Variants in SLC22A4 observed in about 807,000 individuals in gnomAD.
The protein encoded by SLC22A4 is solute carrier family 22 member 4.
SLC22A4 carries 39 observed loss-of-function variants against 56.6 expected under a neutral mutation model. The ratio of observed to expected loss-of-function variants is 0.69; its 90% CI spans 0.53 to 0.90. The LOEUF is 0.90. Ranked by LOEUF, SLC22A4 falls within the 40% of genes least tolerant of loss-of-function variation. The probability of loss-of-function intolerance (pLI) is 0.00; values close to 1 mark genes in which losing one functional copy is unlikely to be tolerated. For missense variants in SLC22A4, 594 were observed against 696.5 expected, an observed-to-expected ratio of 0.85 and a Z score of 1.66; for synonymous variants, 241 against 281.4, an observed-to-expected ratio of 0.86 and a Z score of 1.44.
intron 4 of SLC22A4, among the ~76,000 whole-genome samples, chr5:132,326,808 C>T (rs1378470371): frequency 2.6e-5 from 4 of 152,220 alleles, no homozygotes; most frequent in African/African-American, 4.8e-5. Context: ...CTAAAGGAAA[C>T]GATCAAGAAC....
At chr5:132,295,503 G>C in intron 1 of SLC22A4, 1 of 350,028 alleles carries the variant, frequency 2.9e-6, no homozygotes, top group South Asian at 2.2e-5. Context: ...GTCCTTTCCT[G>C]AGGCCCCAGT....
In SLC22A4 at chr5:132,336,109, A is replaced by G; in HGVS notation, c.1444+109A>G. 4 of 1,154,150 alleles carry G rather than the reference A, an allele frequency of 3.5e-6. No homozygotes were observed. The South Asian group carries it at 5.1e-5, about 15-fold the overall frequency. 71.5% of individuals were successfully genotyped at this position (1,154,150 alleles called of 1,614,324 possible). On this transcript the variant is annotated intron_variant, in intron 8 of 9. Coordinates refer to ENST00000200652, the MANE Select transcript of SLC22A4 (RefSeq NM_003059.3). ...AGCATAGAATGTACTGGAAAAAAGTACAAGTTCACCTCTCCTCTCCCAGGA... is the reference window on the plus strand; with the variant it reads ...AGCATAGAATGTACTGGAAAAAAGTGCAAGTTCACCTCTCCTCTCCCAGGA...
At chr5:132,312,314 C>T in intron 2 of SLC22A4, 50 bp downstream of exon 2, 1 of 1,116,912 alleles carries the variant, frequency 9.0e-7, no homozygotes, top group Non-Finnish European at 1.4e-6. Flanking sequence ...TTGTCAATCA[C>T]TGCCTATCTT....
chr5:132,294,659 G>A lies in SLC22A4; in HGVS notation c.43G>A (p.Gly15Arg), dbSNP rs1325651731. The change falls in exon 1 of 10, where the codon GGG becomes AGG. Residue 15 changes from glycine to arginine, a missense_variant. By Grantham distance (125) the Gly-to-Arg change is moderately radical (BLOSUM62 -2). Coordinates refer to ENST00000200652, the MANE Select transcript of SLC22A4 (RefSeq NM_003059.3). This position sits in a 1 kb window ranked among gnomAD's most constrained non-coding sequence, Gnocchi z 5.6. ...GGTGATCGCCTTCCTGGGCGAGTGG[G>A]GGCCCTTCCAGCGCCTCATCTTCTT... Reference protein sequence around the residue: ...DEVIAFLGEWGPFQRLIFFLL... With the variant: ...DEVIAFLGEWRPFQRLIFFLL... 10 of 1,614,040 alleles carry A rather than the reference G, an allele frequency of 6.2e-6. No individual in the cohort carries two copies. Among genetic ancestry groups the A allele is most frequent in the African/African-American group, 2.7e-5 (2 of 74,930 alleles).
At chr5:132,311,650 T>G (rs886458321) in intron 1 of SLC22A4, 8 of 179,274 alleles carry the variant, frequency 4.5e-5, no homozygotes, top group Admixed American at 5.4e-5. Flanking sequence ...CAGAGGGGCC[T>G]GCTCAGAAAA....
intron 1 of SLC22A4, among the ~76,000 whole-genome samples, chr5:132,296,791 G>C (rs548406544): frequency 1.3e-5 from 2 of 152,334 alleles, no homozygotes; most frequent in East Asian, 3.9e-4. Context: ...AGCCTTCCCT[G>C]GCAGCTGGGC....
chr5:132,297,361 T>C (rs1290703089), intron 1 of SLC22A4, among the ~76,000 whole-genome samples: 1 of 151,972 alleles, frequency 6.6e-6, no homozygotes, highest in Non-Finnish European at 1.5e-5. Flanking sequence ...AACTGGGCTC[T>C]GGTGGTTGGG....
intron 8 of SLC22A4, among the ~76,000 whole-genome samples, chr5:132,336,305 C>A (rs1331730327): frequency 1.3e-5 from 2 of 152,144 alleles, no homozygotes; most frequent in African/African-American, 4.8e-5. Context: ...AGGTGGATCA[C>A]CTGAGGCCAG....
chr5:132,305,972 T>G (rs1750018507), intron 1 of SLC22A4, among the ~76,000 whole-genome samples: 1 of 152,134 alleles, frequency 6.6e-6, no homozygotes, highest in Admixed American at 6.5e-5. Flanking sequence ...ATCAATAGAT[T>G]CAATGCAAAA....
intron 3 of SLC22A4, among the ~76,000 whole-genome samples, chr5:132,317,222 A>T (rs1406989425): frequency 6.6e-6 from 1 of 152,246 alleles, no homozygotes; most frequent in African/African-American, 2.4e-5. Context: ...GCATACCATG[A>T]TATTCACACT....
chr5:132,321,620 T>C (rs1254478687), intron 3 of SLC22A4, among the ~76,000 whole-genome samples: 3 of 152,124 alleles, frequency 2.0e-5, no homozygotes, highest in Admixed American at 6.6e-5. Flanking sequence ...GGCCTTAAAA[T>C]AAGTTGGCCA....
chr5:132,339,411 C>A (rs1561549451), intron 8 of SLC22A4, among the ~76,000 whole-genome samples: 1 of 151,594 alleles, frequency 6.6e-6, no homozygotes, highest in East Asian at 1.9e-4. Context: ...ATTAAGGACT[C>A]TACTGGTGAG....
At chr5:132,314,367 T>C (rs1297818365) in intron 3 of SLC22A4, among the ~76,000 whole-genome samples, 1 of 152,146 alleles carries the variant, frequency 6.6e-6, no homozygotes, top group East Asian at 1.9e-4. Flanking sequence ...AGTTACAAGG[T>C]CATGAAGAGG....
chr5:132,295,037 C>T (rs1322437000), intron 1 of SLC22A4, 28 bp downstream of exon 1: 4 of 1,592,138 alleles, frequency 2.5e-6, no homozygotes, highest in Admixed American at 1.7e-5. Flanking sequence ...ACCGTTGACC[C>T]GGGAGTGCCT....
intron 3 of SLC22A4, among the ~76,000 whole-genome samples, chr5:132,320,153 C>A (rs1014631541): frequency 3.3e-5 from 5 of 152,192 alleles, no homozygotes; most frequent in Non-Finnish European, 7.3e-5. Context: ...ATGCACTCTG[C>A]AAAGTTATAT....
At chr5:132,317,359 C>T (rs574183679) in intron 3 of SLC22A4, among the ~76,000 whole-genome samples, 3 of 152,310 alleles carry the variant, frequency 2.0e-5, no homozygotes, top group South Asian at 4.1e-4. Flanking sequence ...CTCTTCCCCT[C>T]GCCCCTGGCA....
At chr5:132,338,058 C>A (rs968525290) in intron 8 of SLC22A4, among the ~76,000 whole-genome samples, 40 of 152,076 alleles carry the variant, frequency 2.6e-4, no homozygotes, top group African/African-American at 9.7e-4. Flanking sequence ...TTTGCCCATT[C>A]TTTAATGGTG....
chr5:132,333,906 A>G (rs1235737179), intron 6 of SLC22A4, among the ~76,000 whole-genome samples: 2 of 152,150 alleles, frequency 1.3e-5, no homozygotes, highest in African/African-American at 2.4e-5. Context: ...CCTGGGTTCA[A>G]GCAATTCTCC....
chr5:132,306,386 TATATATATATA>T (rs1481641113), intron 1 of SLC22A4, among the ~76,000 whole-genome samples: 2 of 1,824 alleles, frequency 1.1e-3, no homozygotes, highest in African/African-American at 2.2e-3. Context: ...AACCGTGAAA[TATATATATATA>T]TATATATATA....
Sources: gnomAD v4.1 joint callset for allele counts (sites outside exome capture counted in the v4.1 genomes callset) on GRCh38, gnomAD v4.1.1 for gene constraint, Gnocchi (gnomAD v3.1) non-coding constraint, MANE v1.5 for transcripts, NCBI Gene and HGNC (gene_info 2026-07-23, HGNC 2026-07-21) for gene names.